ARSF: variants seen among roughly 807,000 people sequenced by gnomAD.
ARSF encodes the protein arylsulfatase F.
In ARSF, 33 loss-of-function variants were observed where a neutral mutation model predicts 35.4. The observed-to-expected ratio is 0.93, with a 90% CI of 0.71 to 1.25. The LOEUF (loss-of-function observed/expected upper bound fraction) is 1.25. ARSF is among the 50% of genes most tolerant of loss of function. ARSF has a pLI of 0.00. For synonymous variants in ARSF, 222 were observed against 193.1 expected (o/e 1.15, Z -1.24); for missense variants, 501 against 480.2 (o/e 1.04, Z -0.40).
intron 4 of ARSF, among the ~76,000 whole-genome samples, chrX:3,077,699 A>G (rs2090163123): frequency 9.1e-6 from 1 of 110,409 alleles, no homozygotes; most frequent in Non-Finnish European, 1.9e-5. Context: ...AGAAATAGCT[A>G]TCAGATTTTT....
At chrX:3,071,005 T>C (rs887432500) in intron 2 of ARSF, among the ~76,000 whole-genome samples, 1 of 106,806 alleles carries the variant, frequency 9.4e-6, no homozygotes, top group Non-Finnish European at 1.9e-5. Flanking sequence ...GATAGATAGA[T>C]ACCTGCAGAT....
intron 1 of ARSF, among the ~76,000 whole-genome samples, chrX:3,044,732 C>T (rs1472169941): frequency 1.8e-5 from 2 of 109,347 alleles, no homozygotes; most frequent in South Asian, 4.0e-4. Flanking sequence ...GTATCCCTGC[C>T]GGTCAGCTGC....
intron 4 of ARSF, 112 bp from the exon 5 acceptor site, chrX:3,080,779 T>A: frequency 1.0e-6 from 1 of 962,510 alleles, no homozygotes; most frequent in South Asian, 2.4e-5. Context: ...AAGCCCTACC[T>A]CCTAACCATT....
chrX:3,049,267 T>C (rs941298379), intron 1 of ARSF, among the ~76,000 whole-genome samples: 4 of 100,373 alleles, frequency 4.0e-5, no homozygotes, highest in Non-Finnish European at 7.7e-5. Context: ...AGCTCATGGA[T>C]GGACAAGACA....
At chrX:3,062,131 A>G (rs1397886286) in intron 1 of ARSF, among the ~76,000 whole-genome samples, 1 of 112,247 alleles carries the variant, frequency 8.9e-6, no homozygotes, top group Non-Finnish European at 1.9e-5. Context: ...TCAAATTAGA[A>G]CTCAGGATTA....
intron 2 of ARSF, among the ~76,000 whole-genome samples, chrX:3,070,906 T>C (rs1176876412): frequency 6.4e-5 from 7 of 109,996 alleles, no homozygotes; most frequent in Non-Finnish European, 1.1e-4. Flanking sequence ...TGACATTATT[T>C]TGTTCCTTTT....
At chrX:3,099,485 G>A (rs940437655) in intron 7 of ARSF, among the ~76,000 whole-genome samples, 15 of 111,021 alleles carry the variant, frequency 1.4e-4, no homozygotes, top group African/African-American at 2.6e-4. Context: ...AATAAAGACC[G>A]GGTATCATCT....
At chrX:3,076,485 C>T in intron 3 of ARSF, 63 bp from the exon 4 acceptor site, 3 of 1,127,429 alleles carry the variant, frequency 2.7e-6, no homozygotes, top group Non-Finnish European at 3.6e-6. Flanking sequence ...CGCTCTTCCT[C>T]TCTGCTTCCC....
At chrX:3,089,780 G>A in intron 7 of ARSF, 148 bp downstream of exon 7, 2 of 591,359 alleles carry the variant, frequency 3.4e-6, no homozygotes, top group Non-Finnish European at 5.1e-6. Context: ...ATAGTTGCTA[G>A]CAATTGAGAA....
At position 3,084,579 on chromosome X, in the gene ARSF, T is replaced by C. The variant is rs777974580; in HGVS notation, c.743T>C (p.Met248Thr). The C allele has an allele frequency of 1.7e-6, 2 of 1,210,960 alleles. No individual in the cohort carries two copies. The highest frequency in any genetic ancestry group is 2.2e-6 in the Non-Finnish European group (2 of 895,133). The change falls in exon 6 of 11, where the codon ATG becomes ACG. Residue 248 changes from methionine (M) to threonine (T), a missense_variant. Coordinates refer to ENST00000381127, the MANE Select transcript of ARSF (RefSeq NM_001201539.2). The stretch of plus-strand genomic sequence containing the variant: ...CCTTTATACTGGGACTGCCTCCTCA[T>C]GCGGGGGCACGAGATCACGGAGCAG... ...TSPLYWDCLL[M>T]RGHEITEQPM... is the part of the protein sequence containing the mutation.
chrX:3,092,100 T>C (rs764027054), intron 7 of ARSF, among the ~76,000 whole-genome samples: 1 of 110,018 alleles, frequency 9.1e-6, no homozygotes, highest in African/African-American at 3.3e-5. Context: ...GATAGGTGAT[T>C]GATAGATAAG....
At chrX:3,107,433 G>C (rs5939449) in intron 9 of ARSF, among the ~76,000 whole-genome samples, 13,526 of 110,852 alleles carry the variant, frequency 0.12, 801 homozygotes, top group African/African-American at 0.23. Context: ...TTAAAAGAAA[G>C]TTTAAAAGAA....
intron 10 of ARSF, among the ~76,000 whole-genome samples, chrX:3,111,700 T>C (rs1475978709): frequency 9.1e-6 from 1 of 109,925 alleles, no homozygotes; most frequent in East Asian, 2.8e-4. Context: ...CTATCATTAT[T>C]ATATTGTATT....
intron 7 of ARSF, among the ~76,000 whole-genome samples, chrX:3,093,036 G>T (rs1419580019): frequency 9.0e-6 from 1 of 110,625 alleles, no homozygotes; most frequent in Non-Finnish European, 1.9e-5. Context: ...CGTGGTGGCG[G>T]GCGTCTGTAG....
Position 3,101,106 on chromosome X carries a change from C to T in ARSF, c.987C>T (p.Ile329=), listed in dbSNP as rs141074236. ...TTTTAGGCAAGATTCTTGATGCTAT[C>T]GATGATTTTGGCCTAAGGAACAACA... The part of the protein sequence containing the change: ...DSMVGKILDA[I]DDFGLRNNTL... Residue 329 remains isoleucine (I), a synonymous_variant, in exon 8 of 11, where the codon ATC becomes ATT. Coordinates refer to ENST00000381127, the MANE Select transcript of ARSF (RefSeq NM_001201539.2). 1,592 of 1,206,988 alleles carry T rather than the reference C, an allele frequency of 1.3e-3. 14 individuals carry two copies. In the African/African-American group the frequency reaches 0.02, roughly 15 times the overall value.
At chrX:3,089,894 A>G (rs1291146228) in intron 7 of ARSF, among the ~76,000 whole-genome samples, 2 of 112,358 alleles carry the variant, frequency 1.8e-5, no homozygotes, top group African/African-American at 6.5e-5. Flanking sequence ...TGCTGGCCAG[A>G]TAACAAATCA....
chrX:3,073,286 G>A (rs1228035779), intron 3 of ARSF, among the ~76,000 whole-genome samples: 1 of 100,478 alleles, frequency 1.0e-5, no homozygotes, highest in Non-Finnish European at 2.0e-5. Context: ...ATAGAGGGTA[G>A]TTGTGTGTTA....
At chrX:3,043,142 G>A (rs150185879) in intron 1 of ARSF, among the ~76,000 whole-genome samples, 113 of 111,158 alleles carry the variant, frequency 1.0e-3, no homozygotes, top group African/African-American at 3.5e-3. Flanking sequence ...GTGACAGAGC[G>A]AGACTACTCC....
Position 3,112,289 on chromosome X carries a change from C to T in ARSF, c.1506C>T (p.Asn502=). 3.3e-6 allele frequency: 4 copies of T among 1,210,850 alleles called. No homozygotes were observed. The highest frequency in any genetic ancestry group is 3.4e-6 in the Non-Finnish European group (3 of 895,078). Residue 502 remains asparagine, a synonymous_variant, in exon 11 of 11, where the codon AAC becomes AAT. Coordinates refer to ENST00000381127, the MANE Select transcript of ARSF (RefSeq NM_001201539.2). ...TCGGAGAACAGGTTACCTACCACAA[C>T]CCCCCTCTGCTCTTCGATCTCTCCA... ...RCFGEQVTYH[N]PPLLFDLSRD... is the part of the protein sequence containing the mutation.
Sources: allele counts gnomAD v4.1 joint callset (sites outside exome capture counted in the v4.1 genomes callset), GRCh38; gene constraint gnomAD v4.1.1; transcripts MANE v1.5; gene names NCBI Gene and HGNC (gene_info 2026-07-23, HGNC 2026-07-21).